LRTM3: variants seen among roughly 807,000 people sequenced by gnomAD.
LRTM3 encodes leucine rich repeat transmembrane protein 3, also known as leucine-rich repeat transmembrane protein 3.
the LRTM3 span, chr13:102,748,196 T>A: frequency 1.9e-6 from 3 of 1,551,138 alleles, no homozygotes; most frequent in Non-Finnish European, 2.6e-6. Context: ...CGTTTCTTTA[T>A]CTTGATGCAT....
chr13:102,738,317 T>A, the LRTM3 span: 3 of 1,550,882 alleles, frequency 1.9e-6, no homozygotes, highest in Non-Finnish European at 2.6e-6. Context: ...TTCCCCTGCC[T>A]CTGATGATTT....
the LRTM3 span, chr13:102,736,814 T>G: frequency 1.9e-3 from 2,983 of 1,551,144 alleles, 6 homozygotes; most frequent in Non-Finnish European, 2.4e-3. Context: ...GGCCATGTAT[T>G]TTGTTCTGTT....
At chr13:102,739,762 C>T in the LRTM3 span, 15 of 1,548,828 alleles carry the variant, frequency 9.7e-6, no homozygotes, top group Middle Eastern at 3.3e-4. Context: ...TTGAGATCAC[C>T]CCATCAATTG....
the LRTM3 span, chr13:102,736,086 G>C: frequency 6.5e-7 from 1 of 1,541,462 alleles, no homozygotes; most frequent in Non-Finnish European, 8.8e-7. Context: ...TTTGCTTTTA[G>C]TATTACTTTA....
chr13:102,746,826 T>A, the LRTM3 span: 2 of 1,551,188 alleles, frequency 1.3e-6, no homozygotes, highest in East Asian at 2.4e-5. Context: ...GGGTCTCCAA[T>A]CAGTGATTTT....
At chr13:102,745,673 G>C in the LRTM3 span, 4 of 1,550,944 alleles carry the variant, frequency 2.6e-6, no homozygotes, top group Admixed American at 7.8e-5. Context: ...ACCAAAAATC[G>C]CTGTCTCTTT....
At chr13:102,758,832 T>C in the LRTM3 span, 1 of 1,550,428 alleles carries the variant, frequency 6.4e-7, no homozygotes. Context: ...CCAATCATTT[T>C]GAATAATCCA....
chr13:102,739,661 A>T, the LRTM3 span: 1 of 1,550,456 alleles, frequency 6.4e-7, no homozygotes, highest in Non-Finnish European at 8.7e-7. Context: ...CTTCAAAATG[A>T]TGTTAGGGCT....
the LRTM3 span, chr13:102,747,091 T>G: frequency 6.4e-4 from 996 of 1,551,136 alleles, 8 homozygotes; most frequent in African/African-American, 0.011. Flanking sequence ...TGACGCCTTT[T>G]ACTTCATCTT....
the LRTM3 span, chr13:102,737,068 A>C: frequency 1.9e-6 from 3 of 1,551,130 alleles, no homozygotes; most frequent in Non-Finnish European, 2.6e-6. Context: ...GTACTTCTCT[A>C]GTTTTTGAGC....
At chr13:102,744,970 AC>A in the LRTM3 span, 2 of 1,550,776 alleles carry the variant, frequency 1.3e-6, no homozygotes, top group Non-Finnish European at 1.7e-6. Flanking sequence ...TTAAAACTTC[AC>A]CATTTACTGA....
chr13:102,745,924 G>C, the LRTM3 span: 5 of 1,551,102 alleles, frequency 3.2e-6, no homozygotes, highest in Non-Finnish European at 4.4e-6. Context: ...TTCCTGGTTG[G>C]TTCAGTTCCT....
chr13:102,744,896 C>G, the LRTM3 span: 1 of 1,550,790 alleles, frequency 6.4e-7, no homozygotes, highest in Non-Finnish European at 8.7e-7. Flanking sequence ...TTCCCCTTTA[C>G]CTGAATTGTG....
At chr13:102,735,798 C>T in the LRTM3 span, 2 of 1,542,050 alleles carry the variant, frequency 1.3e-6, no homozygotes, top group Non-Finnish European at 1.8e-6. Context: ...TGTGTTTTTC[C>T]TAATGTGCCT....
the LRTM3 span, chr13:102,739,693 T>G: frequency 3.2e-6 from 5 of 1,550,226 alleles, no homozygotes; most frequent in Non-Finnish European, 4.4e-6. Context: ...TCATATCCAT[T>G]GCTTTTACTC....
At chr13:102,746,285 A>G in the LRTM3 span, 1 of 1,551,042 alleles carries the variant, frequency 6.4e-7, no homozygotes, top group Non-Finnish European at 8.7e-7. Context: ...TGCTTCTAAT[A>G]AAACTTTATG....
chr13:102,743,904 G>C, the LRTM3 span: 1 of 1,550,604 alleles, frequency 6.4e-7, no homozygotes, highest in East Asian at 2.4e-5. Flanking sequence ...AAATCTAAAA[G>C]ACCCAAGAAA....
chr13:102,750,014 T>A, the LRTM3 span: 1 of 1,550,046 alleles, frequency 6.5e-7, no homozygotes, highest in Non-Finnish European at 8.7e-7. Context: ...CACATCTAGA[T>A]CTTCATTTTC....
the LRTM3 span, chr13:102,749,287 G>A: frequency 6.4e-7 from 1 of 1,550,964 alleles, no homozygotes; most frequent in Non-Finnish European, 8.7e-7. Context: ...GCCCTTTAAT[G>A]GTAGACAAAA....
Sources: gnomAD v4.1 joint callset for allele counts on GRCh38, gnomAD v4.1.1 for gene constraint, MANE v1.5 for transcripts, NCBI Gene and HGNC (gene_info 2026-07-23, HGNC 2026-07-21) for gene names.